Variants in SHANK2 observed in about 807,000 individuals in gnomAD.
SHANK2 encodes the protein SH3 and multiple ankyrin repeat domains 2.
SHANK2 carries 43 observed loss-of-function variants against 133.7 expected under a neutral mutation model. The observed-to-expected ratio is 0.32, with a 90% confidence interval of 0.25 to 0.41. The LOEUF is 0.41. Among genes scored for constraint, SHANK2 ranks in the 10% least tolerant of loss-of-function variants. The pLI, the probability that SHANK2 is intolerant of heterozygous loss-of-function variation, is 1.00. For synonymous variants in SHANK2, 1,017 were observed against 952.8 expected (o/e 1.07, Z -1.24); for missense variants, 1,994 against 2,235.8 (o/e 0.89, Z 2.18).
intron 2 of SHANK2, among the ~76,000 whole-genome samples, chr11:71,206,121 C>G (rs1031509706): frequency 6.6e-5 from 10 of 152,298 alleles, no homozygotes; most frequent in Admixed American, 2.0e-4. Flanking sequence ...CGCGAACTCA[C>G]TCTGCAAAGT....
At chr11:71,085,828 TAATATTATACAACA>T (rs1951391609) in intron 8 of SHANK2, among the ~76,000 whole-genome samples, 7 of 348 alleles carry the variant, frequency 0.02, no homozygotes, top group South Asian at 0.12. Flanking sequence ...TATTATATAA[TAATATTATACAACA>T]ATAATATATA....
chr11:70,780,972 C>T (rs1029828658), intron 14 of SHANK2, among the ~76,000 whole-genome samples: 27 of 152,114 alleles, frequency 1.8e-4, no homozygotes, highest in Middle Eastern at 3.2e-3. Context: ...GTGACCTACA[C>T]GTTACTAAGT....
At chr11:70,502,078 G>T (rs1223932358) in intron 19 of SHANK2, 128 bp downstream of exon 19, 6 of 1,317,462 alleles carry the variant, frequency 4.6e-6, no homozygotes, top group Admixed American at 2.0e-5. Context: ...CCTGATGCAC[G>T]TCTGGGTACA....
At chr11:70,573,150 G>T (rs938204512) in intron 17 of SHANK2, among the ~76,000 whole-genome samples, 1 of 151,780 alleles carries the variant, frequency 6.6e-6, no homozygotes, top group African/African-American at 2.4e-5. Flanking sequence ...CTTCAGTCGC[G>T]TGACTCCATT....
chr11:70,495,945 TC>T (rs1179817311), intron 21 of SHANK2: 2 of 154,778 alleles, frequency 1.3e-5, no homozygotes, highest in African/African-American at 4.8e-5. Context: ...GGAAGGCCCA[TC>T]CGAGCCAGAA....
chr11:70,573,660 G>T (rs67472913), intron 17 of SHANK2, among the ~76,000 whole-genome samples: 23,890 of 151,974 alleles, frequency 0.16, 2,031 homozygotes, highest in East Asian at 0.34. Context: ...CAAGCTTCAG[G>T]TTCTGGGAGA....
chr11:70,535,639 G>T lies in SHANK2; in HGVS notation c.2062-32708C>A, dbSNP rs1210699408. Among the ~76,000 whole-genome samples the T allele has an allele frequency of 5.9e-5, 9 of 152,224 alleles. No homozygotes were observed. The highest frequency in any genetic ancestry group is 2.2e-4 in the African/African-American group (9 of 41,462). On this transcript the variant is annotated intron_variant, in intron 17 of 25. Transcript: ENST00000601538. This position sits in a 1 kb window ranked among gnomAD's most constrained non-coding sequence, Gnocchi z 4.3. ...TGTGAGGTCAAGTGTTGTGCTAGAC[G>T]CTGGGGAATGAATAACTCCTGGCCC...
chr11:70,672,707 A>T (rs749953562), intron 15 of SHANK2, among the ~76,000 whole-genome samples: 1 of 152,156 alleles, frequency 6.6e-6, no homozygotes, highest in African/African-American at 2.4e-5. Flanking sequence ...ACTATGTTTG[A>T]AATTGTGATT....
At position 70,698,930 on chromosome 11, in the gene SHANK2, C is replaced by T. The variant is rs992324175; in HGVS notation, c.1778-167G>A. ...AATGAGGCCTGGTTCTGGGGCTCAA[C>T]TTTGTGAAATTTGGGGAATGCATGT... is the stretch of plus-strand genomic sequence containing the variant. On this transcript the variant is annotated intron_variant, in intron 14 of 25. Coordinates refer to ENST00000601538, the MANE Select transcript of SHANK2 (RefSeq NM_012309.5). 5.1e-4 allele frequency among the ~76,000 whole-genome samples: 78 copies of T among 152,294 alleles called. 1 individual carries two copies. Among genetic ancestry groups the T allele is most frequent in the African/African-American group, 1.6e-3 (65 of 41,560 alleles).
intron 17 of SHANK2, among the ~76,000 whole-genome samples, chr11:70,601,051 CTATATCTAT>C (rs2060489764): frequency 6.9e-6 from 1 of 143,922 alleles, no homozygotes; most frequent in African/African-American, 2.5e-5. Context: ...ATATCTATAT[CTATATCTAT>C]ATCTATATTT....
rs952092128 is a variant in SHANK2, at chr11:70,552,847, G to A, written c.2062-49916C>T. Among the ~76,000 whole-genome samples, 4 of 152,088 alleles carry A rather than the reference G, an allele frequency of 2.6e-5. No individual in the cohort carries two copies. The East Asian group carries it at 5.8e-4, about 22-fold the overall frequency. On this transcript the variant is annotated intron_variant, in intron 17 of 25. Transcript: ENST00000601538. ...GACCCAGTTCCGGAAGCCTCTAGTC[G>A]TCAGCTTGGGCTGCCCTAACAGAGC...
At chr11:70,495,280 C>G (rs962502122) in intron 21 of SHANK2, among the ~76,000 whole-genome samples, 1 of 152,222 alleles carries the variant, frequency 6.6e-6, no homozygotes, top group Non-Finnish European at 1.5e-5. Flanking sequence ...TCCAAGGAGC[C>G]TTTCCCCTCC....
intron 2 of SHANK2, among the ~76,000 whole-genome samples, chr11:71,209,680 G>C (rs1415825057): frequency 2.0e-5 from 3 of 152,174 alleles, no homozygotes; most frequent in African/African-American, 7.2e-5. Context: ...GTGTCAATGT[G>C]CTGGGTGCTC....
At chr11:71,206,329 G>C (rs1021894992) in intron 2 of SHANK2, among the ~76,000 whole-genome samples, 1 of 152,150 alleles carries the variant, frequency 6.6e-6, no homozygotes, top group East Asian at 1.9e-4. Flanking sequence ...CTATTCCTTA[G>C]AGGTTACATC....
chr11:70,720,902 T>C (rs138203763), intron 14 of SHANK2, among the ~76,000 whole-genome samples: 223 of 152,318 alleles, frequency 1.5e-3, no homozygotes, highest in African/African-American at 5.1e-3. Context: ...TGTACACACA[T>C]GTTGGGGAGG....
At chr11:70,905,386 C>T (rs1263473210) in intron 10 of SHANK2, among the ~76,000 whole-genome samples, 1 of 152,224 alleles carries the variant, frequency 6.6e-6, no homozygotes, top group Non-Finnish European at 1.5e-5. Flanking sequence ...TAGCACTGAA[C>T]TTGGCCTGCT....
rs112981933 is a variant in SHANK2 at position 70,576,613 on chromosome 11, G to A, written c.2062-73682C>T. Among the ~76,000 whole-genome samples, 797 of 152,166 alleles carry A rather than the reference G, an allele frequency of 5.2e-3. 12 individuals are homozygous for A. The highest frequency in any genetic ancestry group is 0.018 in the African/African-American group (737 of 41,492). ...GATCTTGCCACTGCACTGCAGCCTC[G>A]GCGACAGAGCGAGACTCCATCTCAA... On this transcript the variant is annotated intron_variant, in intron 17 of 25. Coordinates refer to ENST00000601538, the MANE Select transcript of SHANK2 (RefSeq NM_012309.5).
intron 15 of SHANK2, among the ~76,000 whole-genome samples, chr11:70,689,399 A>G (rs1409562801): frequency 1.3e-5 from 2 of 152,212 alleles, no homozygotes; most frequent in Admixed American, 1.3e-4. Flanking sequence ...GTAATAAAAT[A>G]CCTTCTTGAA....
At chr11:70,912,434 T>C (rs1272059618) in intron 10 of SHANK2, among the ~76,000 whole-genome samples, 6 of 152,112 alleles carry the variant, frequency 3.9e-5, no homozygotes, top group African/African-American at 1.4e-4. Flanking sequence ...GGCCGGTCTT[T>C]CCCATGCTAT....
Sources: gnomAD v4.1 joint callset for allele counts (sites outside exome capture counted in the v4.1 genomes callset) on GRCh38, gnomAD v4.1.1 for gene constraint, Gnocchi (gnomAD v3.1) non-coding constraint, MANE v1.5 for transcripts, NCBI Gene and HGNC (gene_info 2026-07-23, HGNC 2026-07-21) for gene names.